Variants in TASP1 observed in about 807,000 individuals in gnomAD.
TASP1 encodes the protein threonine aspartase 1.
A neutral mutation model predicts 56.6 loss-of-function variants in TASP1; 16 were observed. The ratio of observed to expected loss-of-function variants is 0.28; its 90% CI spans 0.19 to 0.43. TASP1 has a LOEUF of 0.43. Among genes scored for constraint, TASP1 ranks in the 20% least tolerant of loss-of-function variants. TASP1 has a pLI of 1.00. For missense variants in TASP1, 393 were observed against 511.6 expected (o/e 0.77, Z 2.24); for synonymous variants, 179 against 184.2 (o/e 0.97, Z 0.23).
At chr20:13,149,780 G>T in the TASP1 span, among the ~76,000 whole-genome samples, 1 of 152,246 alleles carries the variant, frequency 6.6e-6, no homozygotes, top group Non-Finnish European at 1.5e-5. Context: ...ATTAGCTGAT[G>T]ATCCAGTTTC....
At position 13,449,860 on chromosome 20, in the gene TASP1, A is replaced by G. The variant is rs751066282; in HGVS notation, c.986-14706T>C. ...ACCCTATAATAGGGAGTCACCCATTAATGCAGGAGGACTTTTACATAGAAA... is the reference window on the plus strand; with the variant it reads ...ACCCTATAATAGGGAGTCACCCATTGATGCAGGAGGACTTTTACATAGAAA... On this transcript the variant is annotated intron_variant, in intron 11 of 13. Transcript: ENST00000337743. 3.3e-5 allele frequency among the ~76,000 whole-genome samples: 5 copies of G among 152,232 alleles called. No individual in the cohort carries two copies. In the South Asian group the frequency reaches 6.2e-4, roughly 19 times the overall value.
At chr20:13,605,551 A>T (rs1489737582) in intron 4 of TASP1, among the ~76,000 whole-genome samples, 3 of 152,056 alleles carry the variant, frequency 2.0e-5, no homozygotes, top group Non-Finnish European at 4.4e-5. Flanking sequence ...ATGGTGGTGC[A>T]TGCCTGTAGT....
the TASP1 span, among the ~76,000 whole-genome samples, chr20:13,379,451 G>T: frequency 2.0e-5 from 3 of 152,218 alleles, no homozygotes; most frequent in Admixed American, 6.5e-5. Context: ...TCCACTGTTA[G>T]TCTGATGGGC....
intron 9 of TASP1, 23 bp downstream of exon 9, chr20:13,533,999 T>A (rs1399757491): frequency 3.1e-6 from 5 of 1,590,982 alleles, no homozygotes; most frequent in Non-Finnish European, 4.3e-6. Flanking sequence ...AAAGGCTAGT[T>A]TAAAAAACCC....
chr20:13,473,980 G>A (rs551246526), intron 11 of TASP1, among the ~76,000 whole-genome samples: 5 of 152,090 alleles, frequency 3.3e-5, no homozygotes, highest in African/African-American at 9.7e-5. Context: ...AGGCTGAGGC[G>A]CAAGGACCGC....
intron 4 of TASP1, among the ~76,000 whole-genome samples, chr20:13,613,005 C>T (rs1407226974): frequency 2.0e-5 from 3 of 152,168 alleles, no homozygotes; most frequent in Non-Finnish European, 4.4e-5. Context: ...TTATACTGCA[C>T]TTTGTTCAGT....
chr20:13,220,651 T>C, the TASP1 span, among the ~76,000 whole-genome samples: 370 of 152,174 alleles, frequency 2.4e-3, no homozygotes, highest in African/African-American at 8.6e-3. Context: ...TCCCCTCCCT[T>C]CCCAGGCTCT....
At chr20:13,367,998 TAAGC>T in the TASP1 span, among the ~76,000 whole-genome samples, 6 of 152,350 alleles carry the variant, frequency 3.9e-5, no homozygotes, top group African/African-American at 9.6e-5. Context: ...CTGCAATACA[TAAGC>T]AAGCAGACTT....
intron 11 of TASP1, among the ~76,000 whole-genome samples, chr20:13,437,761 T>C (rs1196187956): frequency 6.6e-6 from 1 of 152,208 alleles, no homozygotes; most frequent in Non-Finnish European, 1.5e-5. Context: ...CATTCACAAT[T>C]GCTTCAGAGA....
intron 1 of TASP1, among the ~76,000 whole-genome samples, chr20:13,635,309 G>A (rs1335114584): frequency 3.3e-5 from 5 of 151,556 alleles, no homozygotes; most frequent in Non-Finnish European, 7.4e-5. Context: ...TGCTTTCCTT[G>A]GCAACACACA....
intron 6 of TASP1, among the ~76,000 whole-genome samples, chr20:13,576,391 A>ATC (rs2046927648): frequency 2.7e-5 from 4 of 147,542 alleles, no homozygotes; most frequent in East Asian, 2.0e-4. Flanking sequence ...GAAAGAAAGA[A>ATC]AGAAAGTCAG....
intron 6 of TASP1, among the ~76,000 whole-genome samples, chr20:13,574,204 A>T (rs1004089489): frequency 6.6e-6 from 1 of 152,170 alleles, no homozygotes; most frequent in Non-Finnish European, 1.5e-5. Context: ...TAAAGGCCTC[A>T]TTCTAGGTGC....
intron 11 of TASP1, among the ~76,000 whole-genome samples, chr20:13,476,050 C>T (rs1370379835): frequency 3.3e-5 from 5 of 152,176 alleles, no homozygotes; most frequent in South Asian, 4.2e-4. Context: ...ATCCAGGAGG[C>T]GGAGACTGCA....
intron 10 of TASP1, among the ~76,000 whole-genome samples, chr20:13,490,255 AAAATACTTT>A (rs1377273861): frequency 6.6e-6 from 1 of 152,204 alleles, no homozygotes; most frequent in Non-Finnish European, 1.5e-5. Context: ...GAATAAAAAA[AAAATACTTT>A]AATACTTCAT....
chr20:13,473,279 C>T (rs940614570), intron 11 of TASP1, among the ~76,000 whole-genome samples: 10 of 150,154 alleles, frequency 6.7e-5, no homozygotes, highest in African/African-American at 1.7e-4. Context: ...TAGGTGGGAA[C>T]TGAACAATGA....
chr20:13,111,946 G>T, the TASP1 span, among the ~76,000 whole-genome samples: 3 of 152,246 alleles, frequency 2.0e-5, no homozygotes, highest in African/African-American at 2.4e-5. Context: ...GCCATGCCAG[G>T]CGCCTGCATC....
the TASP1 span, among the ~76,000 whole-genome samples, chr20:13,380,908 A>G: frequency 6.6e-6 from 1 of 152,138 alleles, no homozygotes; most frequent in South Asian, 2.1e-4. Flanking sequence ...AGCCTCAGCA[A>G]TGGCGGACGC....
the TASP1 span, among the ~76,000 whole-genome samples, chr20:13,325,776 C>T: frequency 2.0e-5 from 3 of 152,088 alleles, no homozygotes; most frequent in South Asian, 2.1e-4. Flanking sequence ...GTAATTACTC[C>T]GAGAACTGAC....
intron 11 of TASP1, among the ~76,000 whole-genome samples, chr20:13,453,352 G>A: frequency 6.6e-6 from 1 of 152,126 alleles, no homozygotes; most frequent in African/African-American, 2.4e-5. Context: ...ACGTTCAAGA[G>A]AGTGGTATTG....
Sources: gnomAD v4.1 joint callset for allele counts (sites outside exome capture counted in the v4.1 genomes callset) on GRCh38, gnomAD v4.1.1 for gene constraint, MANE v1.5 for transcripts, NCBI Gene and HGNC (gene_info 2026-07-23, HGNC 2026-07-21) for gene names.